ZFAND3: variants seen among roughly 807,000 people sequenced by gnomAD.
ZFAND3 encodes the protein zinc finger AN1-type containing 3, also known as AN1-type zinc finger protein 3.
Under a neutral mutation model 29.6 loss-of-function variants are expected in ZFAND3, and 10 were observed. The observed-to-expected ratio is 0.34, with a 90% confidence interval of 0.21 to 0.57. The LOEUF (loss-of-function observed/expected upper bound fraction) is 0.57. Among genes scored for constraint, ZFAND3 ranks in the 20% least tolerant of loss-of-function variants. ZFAND3 has a pLI of 0.86. For synonymous variants in ZFAND3, 128 were observed against 112.6 expected (o/e 1.14, Z -0.87); for missense variants, 230 against 304.5 (o/e 0.76, Z 1.82).
intron 1 of ZFAND3, among the ~76,000 whole-genome samples, chr6:37,929,025 AC>A (rs1308255651): frequency 6.6e-6 from 1 of 150,824 alleles, no homozygotes; most frequent in African/African-American, 2.4e-5. Context: ...GATTTCTAAG[AC>A]CCCCTTCTAA....
intron 5 of ZFAND3, among the ~76,000 whole-genome samples, chr6:38,126,083 C>A (rs149101591): frequency 2.6e-5 from 4 of 152,276 alleles, no homozygotes; most frequent in Admixed American, 6.5e-5. Flanking sequence ...CCTTTTCAGT[C>A]GATCCATATT....
At chr6:38,030,103 G>C (rs1053081986) in intron 2 of ZFAND3, among the ~76,000 whole-genome samples, 1 of 94,542 alleles carries the variant, frequency 1.1e-5, no homozygotes, top group Non-Finnish European at 2.1e-5. Flanking sequence ...TATATATATA[G>C]CCTGAGAAGG....
intron 1 of ZFAND3, among the ~76,000 whole-genome samples, chr6:37,918,910 G>T (rs1484165954): frequency 8.1e-5 from 12 of 147,650 alleles, no homozygotes; most frequent in African/African-American, 2.8e-4. Context: ...GTACTAGATG[G>T]TTGGGAAGTT....
intron 1 of ZFAND3, among the ~76,000 whole-genome samples, chr6:37,899,620 G>T (rs1385509357): frequency 1.3e-5 from 2 of 152,118 alleles, no homozygotes; most frequent in Non-Finnish European, 2.9e-5. Context: ...GTTTAAATAG[G>T]ATTGATCTAA....
At chr6:37,825,458 C>T (rs530505665) in intron 1 of ZFAND3, among the ~76,000 whole-genome samples, 3 of 152,252 alleles carry the variant, frequency 2.0e-5, no homozygotes, top group South Asian at 2.1e-4. Flanking sequence ...TTCCTCATTA[C>T]ATTTGGGGGA....
chr6:38,033,371 A>C (rs1254873903), intron 2 of ZFAND3, among the ~76,000 whole-genome samples: 1 of 152,114 alleles, frequency 6.6e-6, no homozygotes, highest in African/African-American at 2.4e-5. Flanking sequence ...GTGTAAATCA[A>C]GTTGAAATGT....
chr6:37,879,334 G>GT (rs1051947118), intron 1 of ZFAND3, among the ~76,000 whole-genome samples: 1 of 149,902 alleles, frequency 6.7e-6, no homozygotes, highest in Non-Finnish European at 1.5e-5. Context: ...TTTGTTTTTT[G>GT]TTTTGTTTTT....
At chr6:38,137,503 C>T (rs1249570808) in intron 5 of ZFAND3, among the ~76,000 whole-genome samples, 1 of 152,058 alleles carries the variant, frequency 6.6e-6, no homozygotes, top group Non-Finnish European at 1.5e-5. Context: ...TCATTCTGTT[C>T]ATCTTTATTG....
intron 5 of ZFAND3, among the ~76,000 whole-genome samples, chr6:38,143,576 C>G (rs1440012348): frequency 6.6e-6 from 1 of 152,230 alleles, no homozygotes; most frequent in Non-Finnish European, 1.5e-5. Context: ...TTAAAGCTGT[C>G]TCGATATGAT....
At chr6:37,854,614 T>C (rs1196294152) in intron 1 of ZFAND3, among the ~76,000 whole-genome samples, 10 of 152,192 alleles carry the variant, frequency 6.6e-5, no homozygotes, top group Admixed American at 2.0e-4. Flanking sequence ...CTTTCTTCCT[T>C]AAGAACTCTA....
intron 2 of ZFAND3, chr6:38,003,048 C>A (rs576005424): frequency 1.3e-5 from 2 of 153,202 alleles, no homozygotes; most frequent in Non-Finnish European, 2.9e-5. Context: ...AATGTTACTT[C>A]TCATCTTTCA....
intron 2 of ZFAND3, among the ~76,000 whole-genome samples, chr6:37,962,744 A>T (rs955591807): frequency 3.3e-5 from 5 of 152,176 alleles, no homozygotes; most frequent in African/African-American, 1.2e-4. Context: ...AAAGCTGGCC[A>T]CCTGAGCCAG....
At chr6:38,024,376 G>A (rs1318235159) in intron 2 of ZFAND3, among the ~76,000 whole-genome samples, 1 of 151,930 alleles carries the variant, frequency 6.6e-6, no homozygotes, top group South Asian at 2.1e-4. Flanking sequence ...GGAGGCCGAG[G>A]CAGGAGAATG....
chr6:38,084,246 T>C (rs190646327), intron 4 of ZFAND3, among the ~76,000 whole-genome samples: 4 of 152,328 alleles, frequency 2.6e-5, no homozygotes, highest in Non-Finnish European at 4.4e-5. Context: ...TTTGGAAATA[T>C]AGCATACACT....
chr6:38,123,114 GA>G (rs1045636535), intron 5 of ZFAND3, among the ~76,000 whole-genome samples: 4 of 152,228 alleles, frequency 2.6e-5, no homozygotes, highest in African/African-American at 9.7e-5. Context: ...AAACATGTTG[GA>G]AAGCCATGGA....
chr6:37,843,419 G>A lies in ZFAND3; in HGVS notation c.71+23403G>A, dbSNP rs556158363. On this transcript the variant is annotated intron_variant, in intron 1 of 5. Transcript: ENST00000287218. ...GGAGAATGGCTTGAACCCGGGAGGCGGAGCTTGCAGAGAACCGAGATCGTG... is the reference window on the plus strand; with the variant it reads ...GGAGAATGGCTTGAACCCGGGAGGCAGAGCTTGCAGAGAACCGAGATCGTG... Among the ~76,000 whole-genome samples, 24 of 151,898 alleles carry A rather than the reference G, an allele frequency of 1.6e-4. No homozygotes were observed. In the South Asian group the frequency reaches 3.7e-3, roughly 24 times the overall value.
chr6:37,975,132 T>G (rs1762457270), intron 2 of ZFAND3, among the ~76,000 whole-genome samples: 1 of 152,212 alleles, frequency 6.6e-6, no homozygotes, highest in Admixed American at 6.5e-5. Context: ...AGTTCCTCCA[T>G]ATCCTCACCA....
intron 1 of ZFAND3, among the ~76,000 whole-genome samples, chr6:37,918,040 GA>G (rs1157157978): frequency 6.6e-6 from 1 of 152,092 alleles, no homozygotes; most frequent in African/African-American, 2.4e-5. Flanking sequence ...GACATGAACA[GA>G]AATGTTGCAT....
At chr6:37,904,458 A>G (rs1765373634) in intron 1 of ZFAND3, among the ~76,000 whole-genome samples, 1 of 152,206 alleles carries the variant, frequency 6.6e-6, no homozygotes, top group Non-Finnish European at 1.5e-5. Flanking sequence ...TGGAACTTCC[A>G]GGTCATAAAG....
Sources: allele counts gnomAD v4.1 joint callset (sites outside exome capture counted in the v4.1 genomes callset), GRCh38; gene constraint gnomAD v4.1.1; transcripts MANE v1.5; gene names NCBI Gene and HGNC (gene_info 2026-07-23, HGNC 2026-07-21).